Variants in PTPRN2 observed in about 807,000 individuals in gnomAD.
The protein encoded by PTPRN2 is receptor-type tyrosine-protein phosphatase N2.
Under a neutral mutation model 118.8 loss-of-function variants are expected in PTPRN2, and 74 were observed. That is an observed-to-expected ratio of 0.62 (90% CI 0.52 to 0.76). The LOEUF (loss-of-function observed/expected upper bound fraction) is 0.76. PTPRN2 is among the 30% of genes least tolerant of loss of function. The pLI is 0.00. For missense variants in PTPRN2, 1,481 were observed against 1,394.4 expected, an observed-to-expected ratio of 1.06 and a Z score of -0.99; for synonymous variants, 641 against 608.0, an observed-to-expected ratio of 1.05 and a Z score of -0.80.
At chr7:158,476,302 T>A (rs1820258093) in intron 2 of PTPRN2, among the ~76,000 whole-genome samples, 1 of 152,202 alleles carries the variant, frequency 6.6e-6, no homozygotes, top group Non-Finnish European at 1.5e-5. Context: ...CTGCACCCAG[T>A]CCCACTGTTA....
At chr7:157,975,880 C>G (rs946748555) in intron 11 of PTPRN2, among the ~76,000 whole-genome samples, 4 of 152,176 alleles carry the variant, frequency 2.6e-5, no homozygotes, top group Non-Finnish European at 5.9e-5. Flanking sequence ...GGTGGAGGTC[C>G]AGCTGCTCTG....
intron 9 of PTPRN2, among the ~76,000 whole-genome samples, chr7:158,129,345 TAACAC>T (rs1817973660): frequency 7.5e-6 from 1 of 133,656 alleles, no homozygotes; most frequent in Non-Finnish European, 1.6e-5. Context: ...GCACTACACA[TAACAC>T]ACACCACACA....
intron 6 of PTPRN2, among the ~76,000 whole-genome samples, chr7:158,146,050 T>C: frequency 8.4e-6 from 1 of 118,474 alleles, no homozygotes; most frequent in East Asian, 2.5e-4. Context: ...ATCATTTTAG[T>C]TTTCCACTCT....
chr7:157,611,840 G>A lies in PTPRN2; in HGVS notation c.2345-7765C>T, dbSNP rs1161809028. Among the ~76,000 whole-genome samples the A allele has an allele frequency of 2.1e-5, 3 of 145,416 alleles. No individual in the cohort carries two copies. Among genetic ancestry groups the A allele is most frequent in the African/African-American group, 7.6e-5 (3 of 39,432 alleles). ...AGACGAAGACAGCCGCAGTCATGCT[G>A]GGGACACGCGGAGGGAGAGCGCCCG... On this transcript the variant is annotated intron_variant, in intron 15 of 22. Transcript: ENST00000389418. The surrounding 1 kb of genome is among the most constrained non-coding windows in gnomAD (Gnocchi z 5.9).
intron 2 of PTPRN2, among the ~76,000 whole-genome samples, chr7:158,405,708 C>A (rs571884582): frequency 5.3e-3 from 802 of 152,354 alleles, no homozygotes; most frequent in Middle Eastern, 0.014. Flanking sequence ...GTGTGTGGAG[C>A]CTGCACTTGG....
At chr7:157,692,853 G>C (rs906655282) in intron 12 of PTPRN2, among the ~76,000 whole-genome samples, 1 of 152,154 alleles carries the variant, frequency 6.6e-6, no homozygotes, top group Admixed American at 6.5e-5. Flanking sequence ...CCCTGGCTCG[G>C]GGGCGGCGCG....
chr7:157,561,021 G>A (rs891420881), intron 21 of PTPRN2, among the ~76,000 whole-genome samples: 4 of 152,158 alleles, frequency 2.6e-5, no homozygotes, highest in Non-Finnish European at 5.9e-5. Flanking sequence ...CCTGGGCCCC[G>A]TGGCTGAGCT....
chr7:157,944,341 C>A lies in PTPRN2; in HGVS notation c.1724-45604G>T, dbSNP rs1390782989. The stretch of plus-strand genomic sequence containing the variant: ...GTGGAGCCCACCACCCAAGCGGGGG[C>A]GGTACCACTCCCACCACTGACTGAA... On this transcript the variant is annotated intron_variant, in intron 11 of 22. Transcript: ENST00000389418. This position sits in a 1 kb window ranked among gnomAD's most constrained non-coding sequence, Gnocchi z 4.3. Among the ~76,000 whole-genome samples, 2 of 152,144 alleles carry A rather than the reference C, an allele frequency of 1.3e-5. No individual in the cohort carries two copies. The highest frequency in any genetic ancestry group is 2.9e-5 in the Non-Finnish European group (2 of 68,026).
intron 1 of PTPRN2, among the ~76,000 whole-genome samples, chr7:158,513,700 A>C (rs1213644889): frequency 6.6e-6 from 1 of 152,228 alleles, no homozygotes; most frequent in Non-Finnish European, 1.5e-5. Context: ...TTAACACAGA[A>C]ATAGGTTTAT....
rs144486634 is a variant in PTPRN2 at position 158,062,001 on chromosome 7, C to T, written c.1723+19297G>A. On this transcript the variant is annotated intron_variant, in intron 11 of 22. Coordinates refer to ENST00000389418, the MANE Select transcript of PTPRN2 (RefSeq NM_002847.5). ...ACGAAGGCGGAGCTGGGCATGAGCA[C>T]GGCCATGGTCCTGCTGTCAGAGCAA... 4.3e-3 allele frequency among the ~76,000 whole-genome samples: 652 copies of T among 152,394 alleles called. 2 individuals are homozygous for T. The highest frequency in any genetic ancestry group is 7.2e-3 in the Non-Finnish European group (489 of 68,040).
chr7:158,348,225 G>T (rs145659381), intron 2 of PTPRN2, among the ~76,000 whole-genome samples: 111 of 152,140 alleles, frequency 7.3e-4, no homozygotes, highest in African/African-American at 2.5e-3. Context: ...AAGCAGCGGG[G>T]AGATGCTGCA....
chr7:157,629,106 C>A lies in PTPRN2; in HGVS notation c.2197-7597G>T, dbSNP rs1803780119. Among the ~76,000 whole-genome samples, 1 of 152,132 alleles carries A rather than the reference C, an allele frequency of 6.6e-6. No homozygotes were observed. The highest frequency in any genetic ancestry group is 2.4e-5 in the African/African-American group (1 of 41,422). On this transcript the variant is annotated intron_variant, in intron 14 of 22. Coordinates refer to ENST00000389418, the MANE Select transcript of PTPRN2 (RefSeq NM_002847.5). The surrounding 1 kb of genome is among the most constrained non-coding windows in gnomAD (Gnocchi z 4.4). ...TGGCACCAGGAGGAAGTGCAGCTGC[C>A]ACCTCTGAGTACTGGGGTAGTGCAT...
intron 3 of PTPRN2, among the ~76,000 whole-genome samples, chr7:158,253,895 C>A (rs28754715): frequency 0.43 from 35,839 of 84,128 alleles, 12,321 homozygotes; most frequent in Non-Finnish European, 0.52. Flanking sequence ...AGAGCCACTG[C>A]CCACGGCACG....
chr7:158,242,424 G>T (rs1467501812), intron 3 of PTPRN2, among the ~76,000 whole-genome samples: 1 of 152,216 alleles, frequency 6.6e-6, no homozygotes, highest in African/African-American at 2.4e-5. Flanking sequence ...CAAGAGTGAG[G>T]GAGGGAATTC....
At chr7:157,601,290 C>G (rs1188730435) in intron 16 of PTPRN2, among the ~76,000 whole-genome samples, 1 of 152,172 alleles carries the variant, frequency 6.6e-6, no homozygotes. Context: ...ATGTAATTAT[C>G]ATAGTTTTAT....
At chr7:157,920,268 C>T (rs182714455) in intron 11 of PTPRN2, among the ~76,000 whole-genome samples, 24 of 152,270 alleles carry the variant, frequency 1.6e-4, no homozygotes, top group Admixed American at 4.6e-4. Context: ...AAATACAAAA[C>T]GTTTTTCAAA....
chr7:157,769,711 G>A (rs1019689182), intron 12 of PTPRN2, among the ~76,000 whole-genome samples: 4 of 152,042 alleles, frequency 2.6e-5, no homozygotes, highest in East Asian at 1.9e-4. Flanking sequence ...CCCTCCACAC[G>A]GAACTCTCTT....
At position 157,676,060 on chromosome 7, in the gene PTPRN2, C is replaced by G. The variant is rs529229783; in HGVS notation, c.2001+6665G>C. On this transcript the variant is annotated intron_variant, in intron 13 of 22. Coordinates refer to ENST00000389418, the MANE Select transcript of PTPRN2 (RefSeq NM_002847.5). The surrounding 1 kb of genome is among the most constrained non-coding windows in gnomAD (Gnocchi z 5.6). ...CCGAGCCATGGACCGTCCCTTGGAG[C>G]GCCACAGACTGCAGGGTTTGTCCTT... Among the ~76,000 whole-genome samples the G allele has an allele frequency of 6.6e-6, 1 of 152,082 alleles. No individual in the cohort carries two copies. The highest frequency in any genetic ancestry group is 2.4e-5 in the African/African-American group (1 of 41,394).
At chr7:158,149,087 A>G (rs1820586046) in intron 6 of PTPRN2, among the ~76,000 whole-genome samples, 2 of 141,264 alleles carry the variant, frequency 1.4e-5, no homozygotes, top group African/African-American at 5.4e-5. Flanking sequence ...CCTCACTGAC[A>G]CCCCATCTCA....
Sources: gnomAD v4.1 joint callset for allele counts (sites outside exome capture counted in the v4.1 genomes callset) on GRCh38, gnomAD v4.1.1 for gene constraint, Gnocchi (gnomAD v3.1) non-coding constraint, MANE v1.5 for transcripts, NCBI Gene and HGNC (gene_info 2026-07-23, HGNC 2026-07-21) for gene names.